FAM83F: variants seen among roughly 807,000 people sequenced by gnomAD.
FAM83F encodes the protein scaffolding CK1 anchoring protein F.
A neutral mutation model predicts 42.9 loss-of-function variants in FAM83F; 45 were observed. That is an observed-to-expected ratio of 1.05 (90% CI 0.83 to 1.35). The LOEUF (loss-of-function observed/expected upper bound fraction) is 1.35. Among genes scored for constraint, FAM83F ranks in the 40% most tolerant of loss-of-function variants. The probability of loss-of-function intolerance (pLI) is 0.00; values close to 1 mark genes in which losing one functional copy is unlikely to be tolerated. For missense variants in FAM83F, 617 were observed against 695.9 expected (o/e 0.89, Z 1.28); for synonymous variants, 306 against 298.3 (o/e 1.03, Z -0.27).
In FAM83F at chr22:40,041,695, T is replaced by A. The variant is rs938192873; in HGVS notation, c.*12130T>A. 1.5e-4 allele frequency: 23 copies of A among 152,166 alleles called. No individual in the cohort carries two copies. Among genetic ancestry groups the A allele is most frequent in the African/African-American group, 5.1e-4 (21 of 41,442 alleles). The allele number at this position is 152,166 out of a possible 1,614,324, so 9.4% of individuals were successfully genotyped here. ...AGACCCTGAACCACATCCCACTGTT[T>A]GTTGGAAGAAGAAACTCATTTGTGG... On this transcript the variant is annotated 3_prime_UTR_variant, in exon 5 of 5. Coordinates refer to ENST00000333407, the MANE Select transcript of FAM83F (RefSeq NM_138435.4).
At position 39,995,410 on chromosome 22, in the gene FAM83F, G is replaced by A. The variant is rs756411323; in HGVS notation, c.368G>A (p.Trp123Ter). 70 of 1,549,894 alleles carry A rather than the reference G, an allele frequency of 4.5e-5. No individual in the cohort carries two copies. Among genetic ancestry groups the A allele is most frequent in the Non-Finnish European group, 5.5e-5 (63 of 1,147,068 alleles). Residue 123 changes from tryptophan (W) to a stop codon, truncating the protein, a stop_gained, in exon 1 of 5, where the codon TGG (tryptophan) becomes TAG (stop). Coordinates refer to ENST00000333407, the MANE Select transcript of FAM83F (RefSeq NM_138435.4). LOFTEE classifies it high-confidence loss of function. The surrounding 1 kb of genome is among the most constrained non-coding windows in gnomAD (Gnocchi z 4.6). Reference sequence around the variant, plus strand: ...GAGGTGCCTCCTCTGGACCTGGGCTGGACGGACACTGGTTTCTACCGCGGC... The same window carrying A: ...GAGGTGCCTCCTCTGGACCTGGGCTAGACGGACACTGGTTTCTACCGCGGC... ...DTEVPPLDLG[W>*]TDTGFYRGVS...
chr22:39,999,957 T>C (rs1225047043), intron 1 of FAM83F, among the ~76,000 whole-genome samples: 1 of 152,200 alleles, frequency 6.6e-6, no homozygotes, highest in Admixed American at 6.5e-5. Context: ...CCACACAGTT[T>C]GCTTTGGGAG....
rs1381782217 is a variant in FAM83F at position 40,021,106 on chromosome 22, G to A, written c.780-184G>A. 6.6e-6 allele frequency among the ~76,000 whole-genome samples: 1 copy of A among 152,220 alleles called. No individual in the cohort carries two copies. The highest frequency in any genetic ancestry group is 1.5e-5 in the Non-Finnish European group (1 of 68,034). On this transcript the variant is annotated intron_variant, in intron 3 of 4. Coordinates refer to ENST00000333407, the MANE Select transcript of FAM83F (RefSeq NM_138435.4). This position sits in a 1 kb window ranked among gnomAD's most constrained non-coding sequence, Gnocchi z 8.7. ...CCCACTGCCTGCTTGCTTCATTTGA[G>A]GCCAAGCTCTGGGGAAAGGGAGGCT... is the stretch of plus-strand genomic sequence containing the variant.
chr22:40,019,829 G>T, intron 2 of FAM83F, 58 bp from the exon 3 acceptor site: 1 of 1,551,924 alleles, frequency 6.4e-7, no homozygotes. Flanking sequence ...CAGAAGCAAG[G>T]ACCTGGCACG....
rs563905089 is a variant in FAM83F, at chr22:40,012,260, G to A, written c.490-6908G>A. Among the ~76,000 whole-genome samples, 12 of 151,718 alleles carry A rather than the reference G, an allele frequency of 7.9e-5. No individual in the cohort carries two copies. The South Asian group carries it at 1.9e-3, about 24-fold the overall frequency. On this transcript the variant is annotated intron_variant, in intron 1 of 4. Coordinates refer to ENST00000333407, the MANE Select transcript of FAM83F (RefSeq NM_138435.4). ...AGCAGTTCTCTTGCCTCAGCCTCCC[G>A]AGTAGCTGGGATTACAGGCATGTGC...
chr22:40,020,031 A>T, intron 3 of FAM83F, 23 bp downstream of exon 3: 1 of 1,591,520 alleles, frequency 6.3e-7, no homozygotes, highest in Non-Finnish European at 8.5e-7. Flanking sequence ...GGATCAAAGA[A>T]GGGCCCAGGA....
At chr22:40,000,102 G>A (rs2067391491) in intron 1 of FAM83F, among the ~76,000 whole-genome samples, 1 of 152,214 alleles carries the variant, frequency 6.6e-6, no homozygotes, top group Non-Finnish European at 1.5e-5. Flanking sequence ...ATTGAAAACT[G>A]TCTTCTATTG....
At chr22:40,025,762 C>T (rs944597919) in intron 4 of FAM83F, among the ~76,000 whole-genome samples, 2 of 152,146 alleles carry the variant, frequency 1.3e-5, no homozygotes, top group Non-Finnish European at 2.9e-5. Flanking sequence ...AGAGTCTGTA[C>T]CACTGGGCAG....
intron 1 of FAM83F, among the ~76,000 whole-genome samples, chr22:40,014,927 C>T (rs912895190): frequency 7.2e-5 from 11 of 152,178 alleles, no homozygotes; most frequent in Admixed American, 3.9e-4. Context: ...AACTCTTTCT[C>T]AAAATAGTTG....
At chr22:40,010,254 C>G (rs1487257517) in intron 1 of FAM83F, 1 of 152,198 alleles carries the variant, frequency 6.6e-6, no homozygotes, top group East Asian at 1.9e-4. Flanking sequence ...ACACTGGGAG[C>G]TTTGAAGTTC....
chr22:40,014,131 C>CTTTTTTTTTTTTTTTTT (rs57224519), intron 1 of FAM83F, among the ~76,000 whole-genome samples: 107 of 116,814 alleles, frequency 9.2e-4, no homozygotes, highest in African/African-American at 1.5e-3. Flanking sequence ...TATTTCTTTT[C>CTTTTTTTTTTTTTTTTT]TTTTTTTTTT....
rs2067660611 is a variant in FAM83F, at chr22:40,043,308, T to C, written c.*13743T>C. 1 of 152,198 alleles carries C rather than the reference T, an allele frequency of 6.6e-6. No individual in the cohort carries two copies. The highest frequency in any genetic ancestry group is 1.5e-5 in the Non-Finnish European group (1 of 68,032). The allele number at this position is 152,198 out of a possible 1,614,324, so 9.4% of individuals were successfully genotyped here. A position where few individuals can be genotyped will look rare whatever the true frequency, so the allele number is the denominator to read the frequency against. On this transcript the variant is annotated 3_prime_UTR_variant, in exon 5 of 5. Coordinates refer to ENST00000333407, the MANE Select transcript of FAM83F (RefSeq NM_138435.4). ...GGGCTAGAGTCCAGCGTTGTGCTCC[T>C]GGAGATCATTTCGGTCGCAAAAGCT...
intron 4 of FAM83F, 139 bp downstream of exon 4, chr22:40,022,102 G>A (rs1357148740): frequency 3.8e-6 from 3 of 783,904 alleles, no homozygotes; most frequent in Non-Finnish European, 5.6e-6. Context: ...AGGAGCTCTG[G>A]GGTTCCGGGG....
intron 4 of FAM83F, among the ~76,000 whole-genome samples, chr22:40,027,446 C>T (rs1432268170): frequency 4.6e-5 from 7 of 152,170 alleles, no homozygotes; most frequent in Non-Finnish European, 8.8e-5. Flanking sequence ...CTCCGCTGAG[C>T]GGCCCCTCCT....
In FAM83F at chr22:40,043,307, C is replaced by T. The variant is rs1252791801; in HGVS notation, c.*13742C>T. ...TGGGCTAGAGTCCAGCGTTGTGCTC[C>T]TGGAGATCATTTCGGTCGCAAAAGC... On this transcript the variant is annotated 3_prime_UTR_variant, in exon 5 of 5. Transcript: ENST00000333407. The T allele has an allele frequency of 6.6e-6, 1 of 152,168 alleles. No homozygotes were observed. Among genetic ancestry groups the T allele is most frequent in the African/African-American group, 2.4e-5 (1 of 41,438 alleles). The allele number at this position is 152,168 out of a possible 1,614,324, so 9.4% of individuals were successfully genotyped here. A position where few individuals can be genotyped will look rare whatever the true frequency, so the allele number is the denominator to read the frequency against.
rs890958462 is a variant in FAM83F at position 39,995,224 on chromosome 22, G to A, written c.182G>A (p.Ser61Asn). 7.2e-6 allele frequency: 11 copies of A among 1,532,862 alleles called. No homozygotes were observed. In the East Asian group the frequency reaches 1.2e-4, roughly 17 times the overall value. 95.0% of individuals were successfully genotyped at this position (1,532,862 alleles called of 1,614,324 possible). A position where few individuals can be genotyped will look rare whatever the true frequency, so the allele number is the denominator to read the frequency against. Reference sequence around the variant, plus strand: ...GAGCAGCTGCGGGACTTCCTCTCCAGCCCGGAGCGCCAGGCCCTGCGGGCC... The same window carrying A: ...GAGCAGCTGCGGGACTTCCTCTCCAACCCGGAGCGCCAGGCCCTGCGGGCC... ...KEEQLRDFLSSPERQALRAAW... is the reference protein window; with the variant it reads ...KEEQLRDFLSNPERQALRAAW... Residue 61 changes from serine (S) to asparagine (N), a missense_variant, in exon 1 of 5, where the codon AGC (serine) becomes AAC (asparagine). Coordinates refer to ENST00000333407, the MANE Select transcript of FAM83F (RefSeq NM_138435.4). The surrounding 1 kb of genome is among the most constrained non-coding windows in gnomAD (Gnocchi z 4.6).
rs138317052 is a variant in FAM83F, at chr22:40,021,757, G to C, written c.1247G>C (p.Arg416Pro). The C allele has an allele frequency of 1.9e-6, 3 of 1,612,694 alleles. No individual in the cohort carries two copies. The highest frequency in any genetic ancestry group is 2.5e-6 in the Non-Finnish European group (3 of 1,179,782). Residue 416 changes from arginine (R) to proline (P), a missense_variant, in exon 4 of 5, where the codon CGA becomes CCA. Coordinates refer to ENST00000333407, the MANE Select transcript of FAM83F (RefSeq NM_138435.4). The surrounding 1 kb of genome is among the most constrained non-coding windows in gnomAD (Gnocchi z 8.7). ...CACAGAGACCTGAAGCCCAAATCCC[G>C]AGAGGCACCCAGCCGAAACGGCATG... ...HMHRDLKPKS[R>P]EAPSRNGMGE...
chr22:40,003,233 G>A (rs577099921), intron 1 of FAM83F, among the ~76,000 whole-genome samples: 2 of 152,308 alleles, frequency 1.3e-5, no homozygotes, highest in South Asian at 2.1e-4. Flanking sequence ...GCTGGGTACA[G>A]GTAGTTTCTC....
At chr22:40,011,009 G>C (rs1307749683) in intron 1 of FAM83F, among the ~76,000 whole-genome samples, 1 of 152,174 alleles carries the variant, frequency 6.6e-6, no homozygotes, top group Non-Finnish European at 1.5e-5. Context: ...AGCTGATTGT[G>C]CACTTTAGTT....
Sources: allele counts gnomAD v4.1 joint callset (sites outside exome capture counted in the v4.1 genomes callset), GRCh38; gene constraint gnomAD v4.1.1; non-coding constraint Gnocchi (gnomAD v3.1); transcripts MANE v1.5; gene names NCBI Gene and HGNC (gene_info 2026-07-23, HGNC 2026-07-21).